TREH: variants seen among roughly 807,000 people sequenced by gnomAD.
The protein encoded by TREH is trehalase.
A neutral mutation model predicts 80.5 loss-of-function variants in TREH; 69 were observed. The ratio of observed to expected loss-of-function variants is 0.86; its 90% CI spans 0.71 to 1.05. TREH has a LOEUF of 1.05. Ranked by LOEUF, TREH falls within the 50% of genes least tolerant of loss-of-function variation. The pLI is 0.00. For missense variants in TREH, 716 were observed against 718.8 expected, an observed-to-expected ratio of 1.00 and a Z score of 0.04; for synonymous variants, 309 against 293.5, an observed-to-expected ratio of 1.05 and a Z score of -0.54.
At chr11:118,664,861 C>A (rs1414032365) in intron 1 of TREH, among the ~76,000 whole-genome samples, 1 of 152,150 alleles carries the variant, frequency 6.6e-6, no homozygotes, top group Admixed American at 6.5e-5. Context: ...GTAATCCCAG[C>A]ACTTTGGGAG....
chr11:118,679,450 C>T (rs781914732), intron 1 of TREH, 89 bp downstream of exon 1: 7 of 1,337,398 alleles, frequency 5.2e-6, no homozygotes, highest in Non-Finnish European at 5.9e-6. Flanking sequence ...TCTTCCTTTC[C>T]CTCTGAAGTA....
At chr11:118,662,849 T>G (rs1555145225) in intron 4 of TREH, 32 bp downstream of exon 4, 9 of 1,553,670 alleles carry the variant, frequency 5.8e-6, no homozygotes, top group South Asian at 2.4e-5. Context: ...GTTCCCTTGG[T>G]CAGGCCTTGG....
In TREH at chr11:118,661,043, C is replaced by A; in HGVS notation, c.857+117G>T. The A allele has an allele frequency of 6.4e-7, 1 of 1,563,716 alleles. No individual in the cohort carries two copies. The highest frequency in any genetic ancestry group is 1.2e-5 in the South Asian group (1 of 85,424). ...ACAGCCCAGGATTGCAGAGGGCTCT[C>A]GGTGTCACCATCTGAGAGGCCAGGC... On this transcript the variant is annotated intron_variant, in intron 8 of 14. Coordinates refer to ENST00000264029, the MANE Select transcript of TREH (RefSeq NM_007180.3). The surrounding 1 kb of genome is among the most constrained non-coding windows in gnomAD (Gnocchi z 4.2).
intron 1 of TREH, among the ~76,000 whole-genome samples, chr11:118,664,768 G>C (rs1048106953): frequency 1.3e-5 from 2 of 152,148 alleles, no homozygotes; most frequent in South Asian, 2.1e-4. Context: ...TGTCTACAGT[G>C]GGGGAGGGAG....
chr11:118,662,738 C>T (rs1949337475), intron 4 of TREH, 143 bp downstream of exon 4: 1 of 861,844 alleles, frequency 1.2e-6, no homozygotes, highest in African/African-American at 1.7e-5. Flanking sequence ...TCTAGAGGGC[C>T]TCTATTTGGG....
chr11:118,669,961 T>C (rs1332989472), intron 1 of TREH, among the ~76,000 whole-genome samples: 10 of 151,996 alleles, frequency 6.6e-5, no homozygotes, highest in Non-Finnish European at 1.0e-4. Context: ...AAATATCTCA[T>C]GTAATTCATA....
intron 1 of TREH, among the ~76,000 whole-genome samples, chr11:118,673,705 A>T (rs1191727532): frequency 6.6e-6 from 1 of 152,238 alleles, no homozygotes; most frequent in African/African-American, 2.4e-5. Flanking sequence ...TGTGATTTCC[A>T]TATAGACAAG....
Position 118,663,377 on chromosome 11 carries a change from T to A in TREH, c.152A>T (p.Asp51Val). Residue 51 changes from aspartate to valine, a missense_variant, in exon 2 of 15, where the codon GAC becomes GTC. By Grantham distance (152) the Asp-to-Val change is radical (BLOSUM62 -3). Coordinates refer to ENST00000264029, the MANE Select transcript of TREH (RefSeq NM_007180.3). The part of the protein sequence containing the change: ...QVQMAKLYQD[D>V]KQFVDMPLSI... ...CAGTGGCATGTCCACAAACTGCTTG[T>A]CATCCTGGTAGAGCTTGGCCATTTG... 1 of 1,597,808 alleles carries A rather than the reference T, an allele frequency of 6.3e-7. No homozygotes were observed. The highest frequency in any genetic ancestry group is 1.1e-5 in the South Asian group (1 of 87,448).
intron 1 of TREH, among the ~76,000 whole-genome samples, chr11:118,667,736 A>G (rs1241378230): frequency 6.6e-6 from 1 of 152,246 alleles, no homozygotes. Context: ...CAAAATGGCA[A>G]CAGCATACAT....
rs1949324457 is a variant in TREH, at chr11:118,661,703, A to G, written c.551T>C (p.Leu184Pro). ...CGTCTCAGCCATCTCTGAGAGGAGCAGACCCTCCATGACCCAGTAGGAGTC... is the reference window on the plus strand; with the variant it reads ...CGTCTCAGCCATCTCTGAGAGGAGCGGACCCTCCATGACCCAGTAGGAGTC... ...YWDSYWVMEG[L>P]LLSEMAETVK... The change falls in exon 6 of 15, where the codon CTG becomes CCG. Residue 184 changes from leucine (L) to proline (P), a missense_variant. Coordinates refer to ENST00000264029, the MANE Select transcript of TREH (RefSeq NM_007180.3). The surrounding 1 kb of genome is among the most constrained non-coding windows in gnomAD (Gnocchi z 4.2). 6.2e-7 allele frequency: 1 copy of G among 1,613,842 alleles called. No individual in the cohort carries two copies. The highest frequency in any genetic ancestry group is 8.5e-7 in the Non-Finnish European group (1 of 1,179,902).
At chr11:118,665,341 A>C (rs1168544749) in intron 1 of TREH, among the ~76,000 whole-genome samples, 1 of 151,802 alleles carries the variant, frequency 6.6e-6, no homozygotes, top group South Asian at 2.1e-4. Context: ...ACAATTCTCA[A>C]AGAAAAAACT....
chr11:118,659,206 C>A (rs1221997493), intron 12 of TREH, among the ~76,000 whole-genome samples, 164 bp downstream of exon 12: 2 of 152,254 alleles, frequency 1.3e-5, no homozygotes, highest in African/African-American at 4.8e-5. Context: ...TTGCACTGGA[C>A]AGGCTGGGTG....
At chr11:118,673,249 CTGACCCTTTTACAG>C (rs1366207285) in intron 1 of TREH, among the ~76,000 whole-genome samples, 2 of 152,128 alleles carry the variant, frequency 1.3e-5, no homozygotes, top group African/African-American at 4.8e-5. Context: ...ATCTTTTGTT[CTGACCCTTTTACAG>C]TGTCAGTATT....
At chr11:118,663,462 AG>A in intron 1 of TREH, 23 bp from the exon 2 acceptor site, 1 of 1,548,552 alleles carries the variant, frequency 6.5e-7, no homozygotes, top group Non-Finnish European at 8.8e-7. Context: ...GGATAGGAGC[AG>A]GTCAGGTCAC....
chr11:118,665,973 C>T (rs945747688), intron 1 of TREH, among the ~76,000 whole-genome samples: 13 of 152,206 alleles, frequency 8.5e-5, no homozygotes, highest in African/African-American at 2.4e-4. Flanking sequence ...CGCGGTGGCT[C>T]ACGCCTGTAA....
chr11:118,658,328 G>C lies in TREH; in HGVS notation c.1713C>G (p.Thr571=). 6.3e-7 allele frequency: 1 copy of C among 1,592,756 alleles called. No individual in the cohort carries two copies. Residue 571 remains threonine, a synonymous_variant, in exon 15 of 15, where the codon ACC becomes ACG. Coordinates refer to ENST00000264029, the MANE Select transcript of TREH (RefSeq NM_007180.3). ...AFLEPHCLAA[T]LLPSLLLSLL... is the part of the protein sequence containing the mutation. The stretch of plus-strand genomic sequence containing the variant: ...GGCTGAGCAGGAGGCTGGGCAGAAG[G>C]GTGGCCGCCAGGCAGTGGGGCTCCA...
chr11:118,660,806 T>C (rs1178123496), intron 9 of TREH, 60 bp downstream of exon 9: 1 of 1,549,010 alleles, frequency 6.5e-7, no homozygotes. Flanking sequence ...GACCAGAGCC[T>C]GACACAGCAG....
intron 1 of TREH, among the ~76,000 whole-genome samples, chr11:118,664,425 C>G (rs892598834): frequency 9.2e-5 from 14 of 152,202 alleles, no homozygotes; most frequent in African/African-American, 3.4e-4. Context: ...AGCCAATGGC[C>G]TGGCAGATGG....
rs1373549821 is a variant in TREH at position 118,661,201 on chromosome 11, G to T, written c.816C>A (p.Asn272Lys). ...GGACATAATAGCGATTCAGGAGGTA[G>T]TTCTTTCCCTCCAAGCTCACAGAGA... The part of the protein sequence containing the change: ...RTVSVSLEGK[N>K]YLLNRYYVPY... The change falls in exon 8 of 15, where the codon AAC (asparagine) becomes AAA (lysine). Residue 272 changes from asparagine (N) to lysine (K), a missense_variant. Physicochemically the swap from Asn to Lys is moderately conservative, Grantham distance 94. Coordinates refer to ENST00000264029, the MANE Select transcript of TREH (RefSeq NM_007180.3). The surrounding 1 kb of genome is among the most constrained non-coding windows in gnomAD (Gnocchi z 4.2). The T allele has an allele frequency of 1.2e-6, 2 of 1,613,992 alleles. No homozygotes were observed. Among genetic ancestry groups the T allele is most frequent in the Non-Finnish European group, 1.7e-6 (2 of 1,179,890 alleles).
Sources: allele counts gnomAD v4.1 joint callset (sites outside exome capture counted in the v4.1 genomes callset), GRCh38; gene constraint gnomAD v4.1.1; non-coding constraint Gnocchi (gnomAD v3.1); transcripts MANE v1.5; gene names NCBI Gene and HGNC (gene_info 2026-07-23, HGNC 2026-07-21).